RAB38: variants seen among roughly 807,000 people sequenced by gnomAD.
The protein encoded by RAB38 is ras-related protein Rab-38.
A neutral mutation model predicts 18.4 loss-of-function variants in RAB38; 15 were observed. The observed-to-expected ratio is 0.82, with a 90% CI of 0.55 to 1.26. The LOEUF (loss-of-function observed/expected upper bound fraction) is 1.26, where lower values mean the gene tolerates loss of function less well. Among genes scored for constraint, RAB38 ranks in the 50% most tolerant of loss-of-function variants. The probability of loss-of-function intolerance (pLI) is 0.00; values close to 1 mark genes in which losing one functional copy is unlikely to be tolerated. For missense variants in RAB38, 294 were observed against 267.4 expected, an observed-to-expected ratio of 1.10 and a Z score of -0.69; for synonymous variants, 101 against 104.4, an observed-to-expected ratio of 0.97 and a Z score of 0.20.
chr11:87,804,877 C>T, the RAB38 span, among the ~76,000 whole-genome samples: 2 of 152,156 alleles, frequency 1.3e-5, no homozygotes, highest in Admixed American at 6.6e-5. Context: ...AAAACTGTTA[C>T]AATTGTCATG....
the RAB38 span, among the ~76,000 whole-genome samples, chr11:87,900,142 T>A: frequency 6.6e-6 from 1 of 151,594 alleles, no homozygotes; most frequent in Non-Finnish European, 1.5e-5. Flanking sequence ...TTTAAAAAAT[T>A]GAAATACACA....
chr11:87,826,414 T>C, the RAB38 span, among the ~76,000 whole-genome samples: 5 of 152,158 alleles, frequency 3.3e-5, no homozygotes, highest in African/African-American at 1.2e-4. Flanking sequence ...GCACTTGCTA[T>C]TTTATAATCT....
the RAB38 span, among the ~76,000 whole-genome samples, chr11:87,885,848 A>G: frequency 6.6e-6 from 1 of 152,118 alleles, no homozygotes; most frequent in Non-Finnish European, 1.5e-5. Context: ...ATATCAATCA[A>G]AGAATAAATA....
the RAB38 span, among the ~76,000 whole-genome samples, chr11:88,042,602 T>A: frequency 6.6e-6 from 1 of 152,182 alleles, no homozygotes; most frequent in African/African-American, 2.4e-5. Context: ...AATTCCCAGG[T>A]AGATCTGTGT....
At chr11:87,914,211 G>A in the RAB38 span, among the ~76,000 whole-genome samples, 3 of 152,074 alleles carry the variant, frequency 2.0e-5, no homozygotes, top group African/African-American at 4.8e-5. Flanking sequence ...AAAATTTGAA[G>A]CTTTTTAGAG....
chr11:87,904,256 C>T, the RAB38 span, among the ~76,000 whole-genome samples: 1 of 151,664 alleles, frequency 6.6e-6, no homozygotes, highest in African/African-American at 2.4e-5. Flanking sequence ...CTCTCCCCCT[C>T]AGTAGTTCCC....
At chr11:88,011,112 A>G in the RAB38 span, among the ~76,000 whole-genome samples, 1 of 152,192 alleles carries the variant, frequency 6.6e-6, no homozygotes, top group Non-Finnish European at 1.5e-5. Context: ...GAGAAATATT[A>G]AATGGCCCTG....
At chr11:88,029,418 A>G in the RAB38 span, among the ~76,000 whole-genome samples, 1 of 152,112 alleles carries the variant, frequency 6.6e-6, no homozygotes, top group Non-Finnish European at 1.5e-5. Flanking sequence ...TGCTCCAATT[A>G]AAAGACACAG....
chr11:88,142,473 C>T (rs1942927958), intron 2 of RAB38, among the ~76,000 whole-genome samples: 1 of 152,178 alleles, frequency 6.6e-6, no homozygotes, highest in African/African-American at 2.4e-5. Context: ...TCCTCTTTTA[C>T]AGCCAGCCCA....
At position 88,171,823 on chromosome 11, in the gene RAB38, A is replaced by G. The variant is rs532772222; in HGVS notation, c.202+3360T>C. Among the ~76,000 whole-genome samples, 82 of 152,306 alleles carry G rather than the reference A, an allele frequency of 5.4e-4. 1 individual carries two copies. Among genetic ancestry groups the G allele is most frequent in the African/African-American group, 1.9e-3 (77 of 41,584 alleles). On this transcript the variant is annotated intron_variant, in intron 1 of 2. Coordinates refer to ENST00000243662, the MANE Select transcript of RAB38 (RefSeq NM_022337.3). The stretch of plus-strand genomic sequence containing the variant: ...GATTTGGAGAGTAATAAAAAAGTGG[A>G]GTCTCAAGTGTGAACTTTTTGTTTT...
At chr11:88,094,474 C>T in the RAB38 span, among the ~76,000 whole-genome samples, 3 of 151,930 alleles carry the variant, frequency 2.0e-5, no homozygotes, top group African/African-American at 7.2e-5. Flanking sequence ...TGTAAACAAT[C>T]CTTTGATCCC....
chr11:87,922,697 GTTAT>G, the RAB38 span, among the ~76,000 whole-genome samples: 2 of 151,896 alleles, frequency 1.3e-5, no homozygotes, highest in South Asian at 2.1e-4. Context: ...AAATGTGGTA[GTTAT>G]TTATTTTTTT....
At chr11:88,147,453 G>A (rs72960968) in intron 2 of RAB38, among the ~76,000 whole-genome samples, 8,050 of 152,000 alleles carry the variant, frequency 0.053, 295 homozygotes, top group East Asian at 0.18. Flanking sequence ...CTTCTGAGCT[G>A]AGAGTGACAT....
the RAB38 span, among the ~76,000 whole-genome samples, chr11:87,955,982 C>G: frequency 1.3e-5 from 2 of 152,088 alleles, no homozygotes; most frequent in African/African-American, 4.8e-5. Context: ...TTATAAAACT[C>G]TTGCTTCAGT....
chr11:87,876,325 A>G, the RAB38 span, among the ~76,000 whole-genome samples: 1 of 151,454 alleles, frequency 6.6e-6, no homozygotes, highest in African/African-American at 2.4e-5. Context: ...ATGACTCCTT[A>G]CCAGCAATTT....
intron 2 of RAB38, among the ~76,000 whole-genome samples, chr11:88,137,460 T>C (rs763160722): frequency 1.4e-4 from 21 of 152,242 alleles, no homozygotes; most frequent in South Asian, 4.1e-4. Flanking sequence ...ATTAAAACTA[T>C]GATTGCTGAA....
chr11:87,869,011 G>A, the RAB38 span, among the ~76,000 whole-genome samples: 7 of 151,694 alleles, frequency 4.6e-5, no homozygotes, highest in South Asian at 2.1e-4. Context: ...ACAGACTGCC[G>A]TGACTTTCTA....
chr11:88,145,183 C>T (rs918138193), intron 2 of RAB38, among the ~76,000 whole-genome samples: 13 of 151,398 alleles, frequency 8.6e-5, no homozygotes, highest in South Asian at 2.1e-4. Context: ...GAGTTTTGCT[C>T]AAGTCGCCCA....
the RAB38 span, among the ~76,000 whole-genome samples, chr11:87,804,343 T>G: frequency 2.6e-5 from 4 of 152,310 alleles, 1 homozygote; most frequent in South Asian, 4.1e-4. Context: ...CATTGTCCTC[T>G]GTTCTCTGTG....
Sources: allele counts gnomAD v4.1 joint callset (sites outside exome capture counted in the v4.1 genomes callset), GRCh38; gene constraint gnomAD v4.1.1; transcripts MANE v1.5; gene names NCBI Gene and HGNC (gene_info 2026-07-23, HGNC 2026-07-21).